Variants in SYT9 observed in about 807,000 individuals in gnomAD.
The protein encoded by SYT9 is synaptotagmin 9.
In SYT9, 22 loss-of-function variants were observed where a neutral mutation model predicts 48.4. The ratio of observed to expected loss-of-function variants is 0.45; its 90% CI spans 0.32 to 0.65. The LOEUF is 0.65. Ranked by LOEUF, SYT9 falls within the 30% of genes least tolerant of loss-of-function variation. The pLI, the probability that SYT9 is intolerant of heterozygous loss-of-function variation, is 0.03. For synonymous variants in SYT9, 265 were observed against 245.0 expected, an observed-to-expected ratio of 1.08 and a Z score of -0.76; for missense variants, 577 against 622.0, an observed-to-expected ratio of 0.93 and a Z score of 0.77.
At chr11:7,310,100 C>A (rs1174302370) in intron 2 of SYT9, among the ~76,000 whole-genome samples, 1 of 152,110 alleles carries the variant, frequency 6.6e-6, no homozygotes, top group Non-Finnish European at 1.5e-5. Flanking sequence ...GTATTCATAT[C>A]TGTGACTGGT....
At chr11:7,318,917 A>T (rs1475659213) in intron 3 of SYT9, among the ~76,000 whole-genome samples, 1 of 152,156 alleles carries the variant, frequency 6.6e-6, no homozygotes, top group Non-Finnish European at 1.5e-5. Context: ...TGAGTGATGC[A>T]TGTAATATGC....
chr11:7,399,920 G>C (rs538080933), intron 3 of SYT9, among the ~76,000 whole-genome samples: 1 of 152,272 alleles, frequency 6.6e-6, no homozygotes, highest in East Asian at 1.9e-4. Context: ...TATACCAGTA[G>C]CTTTTGCCCA....
intron 3 of SYT9, among the ~76,000 whole-genome samples, chr11:7,381,397 C>G (rs1294120327): frequency 6.6e-6 from 1 of 152,188 alleles, no homozygotes; most frequent in Non-Finnish European, 1.5e-5. Context: ...GCTTACTTTT[C>G]CAAGAAAAGG....
chr11:7,378,455 GAA>G (rs1288310151), intron 3 of SYT9, among the ~76,000 whole-genome samples: 1 of 152,068 alleles, frequency 6.6e-6, no homozygotes, highest in East Asian at 1.9e-4. Context: ...GAGACTGAAG[GAA>G]AAGAGTTGTA....
intron 1 of SYT9, among the ~76,000 whole-genome samples, chr11:7,264,922 A>G (rs540549853): frequency 8.5e-5 from 13 of 152,234 alleles, no homozygotes; most frequent in South Asian, 2.1e-4. Flanking sequence ...TGCAACAAGG[A>G]TGGGCAGTTG....
At chr11:7,244,630 A>C (rs781480503) in intron 1 of SYT9, among the ~76,000 whole-genome samples, 6 of 152,238 alleles carry the variant, frequency 3.9e-5, no homozygotes, top group Non-Finnish European at 8.8e-5. Context: ...AATCACTAGG[A>C]GGTAGCATGG....
intron 3 of SYT9, among the ~76,000 whole-genome samples, chr11:7,398,920 A>G (rs910254706): frequency 6.7e-6 from 1 of 150,338 alleles, no homozygotes; most frequent in African/African-American, 2.4e-5. Flanking sequence ...TATTTCCACA[A>G]AGGACAATAC....
chr11:7,417,818 T>C lies in SYT9; in HGVS notation c.1166-139T>C, dbSNP rs75006063. The C allele has an allele frequency of 1.0e-3, 790 of 765,228 alleles. 5 individuals are homozygous for C. The highest frequency in any genetic ancestry group is 7.2e-3 in the African/African-American group (406 of 56,270). 47.4% of individuals were successfully genotyped at this position (765,228 alleles called of 1,614,324 possible). On this transcript the variant is annotated intron_variant, in intron 4 of 6. Coordinates refer to ENST00000318881, the MANE Select transcript of SYT9 (RefSeq NM_175733.4). ...AGTTGCTCCCCAGATATCATATTAA[T>C]GACAGTCCTCCAACTCCAGTCCACA...
chr11:7,254,587 A>C (rs745518350), intron 1 of SYT9, among the ~76,000 whole-genome samples: 32 of 152,214 alleles, frequency 2.1e-4, no homozygotes, highest in Non-Finnish European at 3.5e-4. Context: ...TGCTGTTGAT[A>C]GTGTGAACCA....
intron 3 of SYT9, among the ~76,000 whole-genome samples, chr11:7,335,378 T>C (rs972681679): frequency 6.6e-5 from 10 of 152,152 alleles, no homozygotes; most frequent in Non-Finnish European, 1.3e-4. Context: ...TAAACACATG[T>C]CATAGGAGTT....
At chr11:7,241,934 A>G (rs1179422707) in intron 1 of SYT9, among the ~76,000 whole-genome samples, 2 of 152,188 alleles carry the variant, frequency 1.3e-5, no homozygotes, top group African/African-American at 2.4e-5. Context: ...TTTCTATTCC[A>G]TTGGCTACTA....
Position 7,412,067 on chromosome 11 carries a change from A to G in SYT9, c.1045-3975A>G, listed in dbSNP as rs2346834. 2.8e-3 allele frequency among the ~76,000 whole-genome samples: 429 copies of G among 152,254 alleles called. 2 individuals carry two copies. Among genetic ancestry groups the G allele is most frequent in the African/African-American group, 1.0e-2 (414 of 41,556 alleles). ...TTTATGTTTGGTTCTTTTAAAAAAAATGTGTATCTCTTTGATGAATTCTTT... is the reference window on the plus strand; with the variant it reads ...TTTATGTTTGGTTCTTTTAAAAAAAGTGTGTATCTCTTTGATGAATTCTTT... On this transcript the variant is annotated intron_variant, in intron 3 of 6. Coordinates refer to ENST00000318881, the MANE Select transcript of SYT9 (RefSeq NM_175733.4).
chr11:7,310,444 AT>A (rs34469345), intron 2 of SYT9, among the ~76,000 whole-genome samples: 9,501 of 114,910 alleles, frequency 0.083, 420 homozygotes, highest in African/African-American at 0.19. Context: ...CATAACTGTG[AT>A]TTTTTTTTTT....
intron 3 of SYT9, among the ~76,000 whole-genome samples, chr11:7,407,835 G>A (rs1480962050): frequency 6.6e-6 from 1 of 152,162 alleles, no homozygotes; most frequent in Non-Finnish European, 1.5e-5. Context: ...TCAGTTGGCT[G>A]TAAATACATG....
chr11:7,395,009 A>G (rs1488205733), intron 3 of SYT9, among the ~76,000 whole-genome samples: 1 of 149,734 alleles, frequency 6.7e-6, no homozygotes, highest in African/African-American at 2.5e-5. Context: ...GGGCATTTCT[A>G]TTTTTTTTTT....
intron 3 of SYT9, among the ~76,000 whole-genome samples, chr11:7,396,683 C>G (rs970520257): frequency 1.3e-5 from 2 of 152,112 alleles, no homozygotes; most frequent in Non-Finnish European, 2.9e-5. Flanking sequence ...GCCTTTCAAA[C>G]AGCAGCTTAT....
chr11:7,393,006 T>G (rs541735665), intron 3 of SYT9, among the ~76,000 whole-genome samples: 5 of 152,256 alleles, frequency 3.3e-5, no homozygotes, highest in African/African-American at 1.2e-4. Flanking sequence ...TGGTGGAGAC[T>G]TAAGGGTTTT....
chr11:7,403,070 T>C (rs774133969), intron 3 of SYT9, among the ~76,000 whole-genome samples: 5 of 152,010 alleles, frequency 3.3e-5, no homozygotes, highest in Non-Finnish European at 5.9e-5. Context: ...TTTTTCTGGA[T>C]TTTTAGAACA....
chr11:7,418,027 G>A lies in SYT9; in HGVS notation c.1236G>A (p.Arg412=), dbSNP rs1220144248. ...RLKKRKTSTK[R]NTLNPVYNEA... is the part of the protein sequence containing the mutation. ...AGAAGAGGAAAACATCCACCAAGAG[G>A]AACACCTTGAATCCTGTTTACAACG... Residue 412 remains arginine, a synonymous_variant, in exon 5 of 7, where the codon AGG becomes AGA. Transcript: ENST00000318881. The A allele has an allele frequency of 6.2e-7, 1 of 1,614,050 alleles. No homozygotes were observed. The highest frequency in any genetic ancestry group is 1.3e-5 in the African/African-American group (1 of 74,920).
Sources: allele counts gnomAD v4.1 joint callset (sites outside exome capture counted in the v4.1 genomes callset), GRCh38; gene constraint gnomAD v4.1.1; transcripts MANE v1.5; gene names NCBI Gene and HGNC (gene_info 2026-07-23, HGNC 2026-07-21).